Variants in PEX14 observed in about 807,000 individuals in gnomAD.
PEX14 encodes the protein peroxisomal biogenesis factor 14.
Under a neutral mutation model 49.5 loss-of-function variants are expected in PEX14, and 15 were observed. That is an observed-to-expected ratio of 0.30 (90% CI 0.20 to 0.47). The LOEUF (loss-of-function observed/expected upper bound fraction) is 0.47, where lower values mean the gene tolerates loss of function less well. Ranked by LOEUF, PEX14 falls within the 20% of genes least tolerant of loss-of-function variation. The pLI, the probability that PEX14 is intolerant of heterozygous loss-of-function variation, is 1.00. For missense variants in PEX14, 398 were observed against 494.8 expected (o/e 0.80, Z 1.86); for synonymous variants, 210 against 212.7 (o/e 0.99, Z 0.11).
chr1:10,621,553 G>A (rs1055288852), intron 5 of PEX14, among the ~76,000 whole-genome samples: 3 of 152,024 alleles, frequency 2.0e-5, no homozygotes, highest in African/African-American at 7.2e-5. Flanking sequence ...CACTGTGTTG[G>A]CCAGGCTGGT....
Position 10,629,400 on chromosome 1 carries a change from GT to G in PEX14, c.678-130del, listed in dbSNP as rs1641842437. ...AGGAGGGGTGGAAGGGCTCCATCCT[GT>G]CCCTTGCCCAGTGTCCCTGGGGGAG... On this transcript the variant is annotated intron_variant, in intron 8 of 8. Transcript: ENST00000356607. This position sits in a 1 kb window ranked among gnomAD's most constrained non-coding sequence, Gnocchi z 8.5. 1.4e-6 allele frequency: 1 copy of G among 718,418 alleles called. No homozygotes were observed. The highest frequency in any genetic ancestry group is 1.7e-5 in the African/African-American group (1 of 58,022). The allele number at this position is 718,418 out of a possible 1,614,324, so 44.5% of individuals were successfully genotyped here.
At chr1:10,618,071 C>T (rs1376007863) in intron 4 of PEX14, among the ~76,000 whole-genome samples, 3 of 152,220 alleles carry the variant, frequency 2.0e-5, no homozygotes, top group Non-Finnish European at 4.4e-5. Flanking sequence ...GGTCTCAGCT[C>T]ACTGCTAGAT....
At chr1:10,524,401 C>T in intron 2 of PEX14, 1 of 909,650 alleles carries the variant, frequency 1.1e-6, no homozygotes, top group Non-Finnish European at 1.3e-6. Flanking sequence ...TTCTCTGTTT[C>T]TCAGACAGAG....
At chr1:10,594,823 C>G (rs916284896) in intron 3 of PEX14, among the ~76,000 whole-genome samples, 6 of 36,156 alleles carry the variant, frequency 1.7e-4, no homozygotes, top group Non-Finnish European at 5.3e-4. Flanking sequence ...GCATCACAAT[C>G]GCAGCCTGTA....
At chr1:10,481,594 A>G (rs1013040479) in intron 1 of PEX14, among the ~76,000 whole-genome samples, 2 of 151,316 alleles carry the variant, frequency 1.3e-5, no homozygotes, top group African/African-American at 2.4e-5. Context: ...GTCATGCACT[A>G]TGATGCCCAG....
intron 3 of PEX14, among the ~76,000 whole-genome samples, chr1:10,550,060 A>G (rs1402924558): frequency 6.6e-6 from 1 of 152,194 alleles, no homozygotes; most frequent in African/African-American, 2.4e-5. Context: ...ACATAAAACA[A>G]ACAGAGGCCT....
At chr1:10,607,369 T>G (rs1641157380) in intron 4 of PEX14, among the ~76,000 whole-genome samples, 1 of 152,078 alleles carries the variant, frequency 6.6e-6, no homozygotes, top group Non-Finnish European at 1.5e-5. Context: ...CGTATACAAG[T>G]CTTTGTATGT....
At chr1:10,624,017 TGAA>T (rs1347522224) in intron 6 of PEX14, among the ~76,000 whole-genome samples, 1 of 152,056 alleles carries the variant, frequency 6.6e-6, no homozygotes, top group Non-Finnish European at 1.5e-5. Context: ...GCCCAGGAGA[TGAA>T]GGACGCAGGC....
At chr1:10,559,583 G>A (rs140508691) in intron 3 of PEX14, among the ~76,000 whole-genome samples, 442 of 152,246 alleles carry the variant, frequency 2.9e-3, no homozygotes, top group African/African-American at 9.7e-3. Flanking sequence ...CCATTGCCAC[G>A]GCTGCTGCAG....
chr1:10,617,271 C>T (rs187816767), intron 4 of PEX14, among the ~76,000 whole-genome samples: 1 of 152,154 alleles, frequency 6.6e-6, no homozygotes, highest in Non-Finnish European at 1.5e-5. Context: ...CTCTCCACCT[C>T]GTGAACCCTT....
At chr1:10,547,034 A>T (rs1639197388) in intron 3 of PEX14, among the ~76,000 whole-genome samples, 1 of 152,300 alleles carries the variant, frequency 6.6e-6, no homozygotes, top group Non-Finnish European at 1.5e-5. Flanking sequence ...CTGATCAAGC[A>T]GTGGGGAATC....
At chr1:10,527,924 G>C (rs748450596) in intron 2 of PEX14, among the ~76,000 whole-genome samples, 3 of 152,196 alleles carry the variant, frequency 2.0e-5, no homozygotes, top group African/African-American at 4.8e-5. Context: ...ACTCGCCTCG[G>C]CCTCCCAAAG....
rs769167832 is a variant in PEX14 at position 10,624,387 on chromosome 1, C to G, written c.535C>G (p.Gln179Glu). 5 of 1,612,576 alleles carry G rather than the reference C, an allele frequency of 3.1e-6. No individual in the cohort carries two copies. The highest frequency in any genetic ancestry group is 4.5e-5 in the East Asian group (2 of 44,874). Reference sequence around the variant, plus strand: ...CGCCTCCGTCCAGGAGCTGCTGATTCAGCAGCAGCAGAAGATCCAGGAGCT... The same window carrying G: ...CGCCTCCGTCCAGGAGCTGCTGATTGAGCAGCAGCAGAAGATCCAGGAGCT... ...TLASVQELLI[Q>E]QQQKIQELAH... Residue 179 changes from glutamine to glutamate, a missense_variant, in exon 7 of 9, where the codon CAG becomes GAG. Transcript: ENST00000356607.
chr1:10,622,991 A>C (rs760648862), intron 5 of PEX14, 28 bp from the exon 6 acceptor site: 1 of 1,493,276 alleles, frequency 6.7e-7, no homozygotes, highest in Non-Finnish European at 9.3e-7. Context: ...GTCCGTATGC[A>C]TTCCTCACCC....
In PEX14 at chr1:10,623,004, T is replaced by C. The variant is rs1641638665; in HGVS notation, c.385-15T>C. The C allele has an allele frequency of 1.3e-6, 2 of 1,582,190 alleles. No homozygotes were observed. Among genetic ancestry groups the C allele is most frequent in the Non-Finnish European group, 1.7e-6 (2 of 1,152,982 alleles). On this transcript the variant is annotated splice_polypyrimidine_tract_variant and intron_variant, in intron 5 of 8. Transcript: ENST00000356607. The surrounding 1 kb of genome is among the most constrained non-coding windows in gnomAD (Gnocchi z 4.4). Reference sequence around the variant, plus strand: ...GGGTCCGTATGCATTCCTCACCCTGTCCCGCTTCTTGCAGAAATACCTGCT... The same window carrying C: ...GGGTCCGTATGCATTCCTCACCCTGCCCCGCTTCTTGCAGAAATACCTGCT...
Position 10,538,156 on chromosome 1 carries a change from G to C in PEX14, c.169+1859G>C, listed in dbSNP as rs1195894311. Among the ~76,000 whole-genome samples, 3 of 152,324 alleles carry C rather than the reference G, an allele frequency of 2.0e-5. No individual in the cohort carries two copies. The East Asian group carries it at 5.8e-4, about 29-fold the overall frequency. ...AAATGAAATAGGTCGGATGTCAGAT[G>C]CCGAGCGCCATGGATACTGATGAAT... On this transcript the variant is annotated intron_variant, in intron 3 of 8. Transcript: ENST00000356607.
chr1:10,587,850 CATT>C (rs1170703168), intron 3 of PEX14, among the ~76,000 whole-genome samples: 1 of 143,010 alleles, frequency 7.0e-6, no homozygotes, highest in Non-Finnish European at 1.5e-5. Flanking sequence ...AGCGTGCTAT[CATT>C]GTATAAAAAT....
intron 1 of PEX14, among the ~76,000 whole-genome samples, chr1:10,491,432 A>G (rs879795800): frequency 6.6e-6 from 1 of 152,048 alleles, no homozygotes; most frequent in Non-Finnish European, 1.5e-5. Context: ...CCAAGCTGGA[A>G]TACAATGGCA....
chr1:10,572,051 T>TAA (rs958389184), intron 3 of PEX14, among the ~76,000 whole-genome samples: 3 of 152,096 alleles, frequency 2.0e-5, no homozygotes, highest in African/African-American at 7.2e-5. Context: ...GGACACAAGT[T>TAA]AGAGATTTTA....
Sources: allele counts gnomAD v4.1 joint callset (sites outside exome capture counted in the v4.1 genomes callset), GRCh38; gene constraint gnomAD v4.1.1; non-coding constraint Gnocchi (gnomAD v3.1); transcripts MANE v1.5; gene names NCBI Gene and HGNC (gene_info 2026-07-23, HGNC 2026-07-21).